RUNDC3B: variants seen among roughly 807,000 people sequenced by gnomAD.
RUNDC3B encodes the protein RUN domain-containing protein 3B.
Under a neutral mutation model 58.4 loss-of-function variants are expected in RUNDC3B, and 33 were observed. The ratio of observed to expected loss-of-function variants is 0.56; its 90% CI spans 0.43 to 0.75. RUNDC3B has a LOEUF of 0.75. RUNDC3B is among the 30% of genes least tolerant of loss of function. RUNDC3B has a pLI of 0.00. For synonymous variants in RUNDC3B, 193 were observed against 195.2 expected (o/e 0.99, Z 0.10); for missense variants, 501 against 535.7 (o/e 0.94, Z 0.64).
chr7:87,753,860 A>G (rs1833185148), intron 6 of RUNDC3B, among the ~76,000 whole-genome samples: 1 of 152,170 alleles, frequency 6.6e-6, no homozygotes, highest in Non-Finnish European at 1.5e-5. Flanking sequence ...TCCTTCTGAA[A>G]TGTAAGATCA....
chr7:87,800,653 CTT>C (rs571588791), intron 8 of RUNDC3B, among the ~76,000 whole-genome samples: 40 of 137,470 alleles, frequency 2.9e-4, no homozygotes, highest in East Asian at 6.4e-4. Context: ...CTTTTCTTTT[CTT>C]TTTTTTTTTT....
intron 2 of RUNDC3B, among the ~76,000 whole-genome samples, chr7:87,672,495 G>A (rs1023988191): frequency 6.6e-6 from 1 of 152,172 alleles, no homozygotes; most frequent in Non-Finnish European, 1.5e-5. Context: ...AGTGGGGCCT[G>A]TAGGTTTTGG....
intron 4 of RUNDC3B, among the ~76,000 whole-genome samples, chr7:87,711,273 CCGAGAT>C (rs1830058851): frequency 6.6e-6 from 1 of 151,626 alleles, no homozygotes; most frequent in African/African-American, 2.4e-5. Context: ...TTGTGGAGAG[CCGAGAT>C]TGAGCCATTG....
At chr7:87,712,946 T>G (rs1315459643) in intron 4 of RUNDC3B, among the ~76,000 whole-genome samples, 1 of 152,144 alleles carries the variant, frequency 6.6e-6, no homozygotes, top group Non-Finnish European at 1.5e-5. Context: ...AGTAGGGAGT[T>G]ATTTCAAAGT....
chr7:87,758,741 TAATC>T (rs1833515970), intron 6 of RUNDC3B, among the ~76,000 whole-genome samples: 1 of 152,182 alleles, frequency 6.6e-6, no homozygotes, highest in Non-Finnish European at 1.5e-5. Context: ...ACAACGTCAT[TAATC>T]AACAGAGAAA....
At chr7:87,728,113 A>G (rs1291056286) in intron 4 of RUNDC3B, among the ~76,000 whole-genome samples, 1 of 152,198 alleles carries the variant, frequency 6.6e-6, no homozygotes, top group Non-Finnish European at 1.5e-5. Flanking sequence ...TCTTAGTCTT[A>G]TAACTCCAGT....
chr7:87,745,602 A>G (rs1359093289), intron 6 of RUNDC3B, among the ~76,000 whole-genome samples: 1 of 152,186 alleles, frequency 6.6e-6, no homozygotes, highest in African/African-American at 2.4e-5. Flanking sequence ...ATATGCATAA[A>G]GGTGTTCATA....
chr7:87,637,789 T>G (rs1032450480), intron 1 of RUNDC3B, among the ~76,000 whole-genome samples: 1 of 152,110 alleles, frequency 6.6e-6, no homozygotes, highest in African/African-American at 2.4e-5. Flanking sequence ...CAGATTTCTT[T>G]ATTAATTCTA....
intron 6 of RUNDC3B, among the ~76,000 whole-genome samples, chr7:87,760,912 G>T (rs1157186892): frequency 6.6e-6 from 1 of 151,868 alleles, no homozygotes; most frequent in Admixed American, 6.6e-5. Context: ...TCATAACCCT[G>T]AGTTAGGCAA....
chr7:87,710,442 T>C (rs1430946405), intron 3 of RUNDC3B, 128 bp from the exon 4 acceptor site: 3 of 605,248 alleles, frequency 5.0e-6, no homozygotes, highest in Non-Finnish European at 8.7e-6. Context: ...ACTTAAACAT[T>C]TTTCTTAGTC....
intron 6 of RUNDC3B, among the ~76,000 whole-genome samples, chr7:87,754,943 CAAAAAA>C (rs35896180): frequency 1.4e-5 from 1 of 73,378 alleles, no homozygotes; most frequent in African/African-American, 4.8e-5. Context: ...GCTTACCAAC[CAAAAAA>C]AAAAAAAAAA....
intron 10 of RUNDC3B, among the ~76,000 whole-genome samples, chr7:87,823,795 C>T (rs112558909): frequency 0.038 from 5,408 of 143,740 alleles, 86 homozygotes; most frequent in Middle Eastern, 0.05. Flanking sequence ...TATATATACA[C>T]ACACACACAC....
chr7:87,644,893 G>A (rs916677882), intron 1 of RUNDC3B, among the ~76,000 whole-genome samples: 1 of 151,748 alleles, frequency 6.6e-6, no homozygotes, highest in Admixed American at 6.6e-5. Context: ...AAATTTTTAA[G>A]TTATTTTTAA....
chr7:87,766,379 G>A (rs1201554485), intron 6 of RUNDC3B, among the ~76,000 whole-genome samples: 1 of 152,086 alleles, frequency 6.6e-6, no homozygotes, highest in Non-Finnish European at 1.5e-5. Context: ...ATGATGGTGA[G>A]TATCGTCCTT....
At chr7:87,690,483 C>T (rs1827906953) in intron 2 of RUNDC3B, among the ~76,000 whole-genome samples, 1 of 152,086 alleles carries the variant, frequency 6.6e-6, no homozygotes, top group African/African-American at 2.4e-5. Context: ...TAATACCTAC[C>T]ACCTACCTGT....
intron 2 of RUNDC3B, among the ~76,000 whole-genome samples, chr7:87,678,640 TAA>T (rs1826617679): frequency 6.6e-6 from 1 of 152,106 alleles, no homozygotes; most frequent in Non-Finnish European, 1.5e-5. Flanking sequence ...GCACTCCAAT[TAA>T]AAGAGATTTT....
At position 87,826,524 on chromosome 7, in the gene RUNDC3B, A is replaced by C. The variant is rs565317163; in HGVS notation, c.1226-3361A>C. ...TTTGAAAGAAAACTTAATCTAAAACACTGAAGAAAAATGGGAAAACAACCA... is the reference window on the plus strand; with the variant it reads ...TTTGAAAGAAAACTTAATCTAAAACCCTGAAGAAAAATGGGAAAACAACCA... On this transcript the variant is annotated intron_variant, in intron 10 of 10. Transcript: ENST00000394654. 3.8e-3 allele frequency among the ~76,000 whole-genome samples: 583 copies of C among 152,060 alleles called. 2 individuals carry two copies. Among genetic ancestry groups the C allele is most frequent in the African/African-American group, 0.013 (556 of 41,446 alleles).
chr7:87,752,315 A>G (rs1482282663), intron 6 of RUNDC3B, among the ~76,000 whole-genome samples: 1 of 152,132 alleles, frequency 6.6e-6, no homozygotes, highest in African/African-American at 2.4e-5. Flanking sequence ...ATGTTCATCA[A>G]GGATATTGGT....
At position 87,825,438 on chromosome 7, in the gene RUNDC3B, G is replaced by A. The variant is rs564859181; in HGVS notation, c.1226-4447G>A. Among the ~76,000 whole-genome samples, 13 of 152,238 alleles carry A rather than the reference G, an allele frequency of 8.5e-5. 1 individual carries two copies. The highest frequency in any genetic ancestry group is 3.1e-4 in the African/African-American group (13 of 41,556). On this transcript the variant is annotated intron_variant, in intron 10 of 10. Coordinates refer to ENST00000394654, the MANE Select transcript of RUNDC3B (RefSeq NM_001134405.2). ...CTCTGCCTAGATTTCAGAAGATGTAGGGAAATACCTGGATGCCCAGGCAGA... is the reference window on the plus strand; with the variant it reads ...CTCTGCCTAGATTTCAGAAGATGTAAGGAAATACCTGGATGCCCAGGCAGA...
Sources: allele counts gnomAD v4.1 joint callset (sites outside exome capture counted in the v4.1 genomes callset), GRCh38; gene constraint gnomAD v4.1.1; transcripts MANE v1.5; gene names NCBI Gene and HGNC (gene_info 2026-07-23, HGNC 2026-07-21).